GNG7: variants seen among roughly 807,000 people sequenced by gnomAD.
GNG7 encodes the protein G protein subunit gamma 7, also known as guanine nucleotide-binding protein G(I)/G(S)/G(O) subunit gamma-7.
In GNG7, 1 loss-of-function variant was observed where a neutral mutation model predicts 4.0. That is an observed-to-expected ratio of 0.25 (90% CI 0.09 to 1.18). GNG7 has a LOEUF of 1.18. Among genes scored for constraint, GNG7 ranks in the 50% most tolerant of loss-of-function variants. The pLI is 0.50. For missense variants in GNG7, 86 were observed against 91.9 expected (o/e 0.94, Z 0.26); for synonymous variants, 34 against 36.9 (o/e 0.92, Z 0.29).
chr19:2,657,699 G>C lies in GNG7; in HGVS notation c.-134-11419C>G, dbSNP rs137989182. Reference sequence around the variant, plus strand: ...AGACACCATCTTTTAAAAAAATTTTGTTTCTGTTTTGGAAAAATTTTCGAT... The same window carrying C: ...AGACACCATCTTTTAAAAAAATTTTCTTTCTGTTTTGGAAAAATTTTCGAT... On this transcript the variant is annotated intron_variant, in intron 1 of 4. Coordinates refer to ENST00000382159, the MANE Select transcript of GNG7 (RefSeq NM_052847.3). 1.6e-4 allele frequency among the ~76,000 whole-genome samples: 24 copies of C among 151,994 alleles called. No homozygotes were observed. The East Asian group carries it at 4.3e-3, about 27-fold the overall frequency.
At chr19:2,594,708 C>T (rs188865578) in intron 2 of GNG7, among the ~76,000 whole-genome samples, 6 of 152,298 alleles carry the variant, frequency 3.9e-5, no homozygotes, top group Admixed American at 2.6e-4. Context: ...TTTCCCAACA[C>T]AGAACCACCC....
At chr19:2,661,038 C>G (rs1041076273) in intron 1 of GNG7, among the ~76,000 whole-genome samples, 1 of 150,906 alleles carries the variant, frequency 6.6e-6, no homozygotes, top group African/African-American at 2.4e-5. Context: ...ATGGAGAAAC[C>G]CTGTCTCTAC....
At chr19:2,586,285 G>A (rs1568253393) in intron 2 of GNG7, among the ~76,000 whole-genome samples, 1 of 152,210 alleles carries the variant, frequency 6.6e-6, no homozygotes, top group Non-Finnish European at 1.5e-5. Flanking sequence ...TGTGTGGCAA[G>A]ACCCCTTGTT....
intron 2 of GNG7, among the ~76,000 whole-genome samples, chr19:2,573,479 C>A (rs1223909699): frequency 2.0e-5 from 3 of 152,128 alleles, no homozygotes; most frequent in African/African-American, 7.2e-5. Context: ...AGCTGCGTGG[C>A]TTCCGACAAG....
intron 2 of GNG7, among the ~76,000 whole-genome samples, chr19:2,637,851 C>G (rs1006739116): frequency 1.3e-5 from 2 of 150,378 alleles, no homozygotes; most frequent in African/African-American, 4.9e-5. Context: ...TGAGACCCCC[C>G]GGGTTAGGGG....
At chr19:2,597,289 C>T (rs910209550) in intron 2 of GNG7, among the ~76,000 whole-genome samples, 1 of 152,086 alleles carries the variant, frequency 6.6e-6, no homozygotes, top group Middle Eastern at 3.4e-3. Context: ...CAAACAAAAA[C>T]TCCATTATAT....
intron 1 of GNG7, among the ~76,000 whole-genome samples, chr19:2,666,106 T>A (rs555439969): frequency 6.6e-6 from 1 of 152,300 alleles, no homozygotes; most frequent in South Asian, 2.1e-4. Flanking sequence ...CCTCAGGTGA[T>A]CTGCCTGCTT....
chr19:2,624,031 A>T (rs1981948351), intron 2 of GNG7, among the ~76,000 whole-genome samples: 2 of 151,940 alleles, frequency 1.3e-5, no homozygotes, highest in African/African-American at 4.8e-5. Flanking sequence ...GGGAAGCAGG[A>T]TGGGGGGTGC....
chr19:2,533,102 C>A (rs1978644084), intron 3 of GNG7, among the ~76,000 whole-genome samples: 1 of 151,622 alleles, frequency 6.6e-6, no homozygotes, highest in South Asian at 2.1e-4. Flanking sequence ...AATACGGCTG[C>A]ACACAAAAAA....
chr19:2,531,019 G>T (rs911462063), intron 3 of GNG7, among the ~76,000 whole-genome samples: 7 of 152,102 alleles, frequency 4.6e-5, no homozygotes, highest in Non-Finnish European at 4.4e-5. Flanking sequence ...AAGAGTAACG[G>T]TCACAGCTGG....
chr19:2,604,802 A>G (rs913943523), intron 2 of GNG7, among the ~76,000 whole-genome samples: 1 of 152,134 alleles, frequency 6.6e-6, no homozygotes, highest in Non-Finnish European at 1.5e-5. Flanking sequence ...CCAGACAGAG[A>G]TGCAGGGCAG....
At chr19:2,527,732 G>A (rs1202733236) in intron 3 of GNG7, among the ~76,000 whole-genome samples, 2 of 151,956 alleles carry the variant, frequency 1.3e-5, no homozygotes, top group Non-Finnish European at 2.9e-5. Flanking sequence ...ACTGCAGGGT[G>A]CTGGGCAGCA....
chr19:2,564,505 C>T (rs564988532), intron 2 of GNG7, among the ~76,000 whole-genome samples: 14 of 152,084 alleles, frequency 9.2e-5, no homozygotes, highest in Non-Finnish European at 1.8e-4. Flanking sequence ...ACCCAAGAGG[C>T]GGAGGTTGCA....
intron 2 of GNG7, among the ~76,000 whole-genome samples, chr19:2,594,434 G>C (rs1373586511): frequency 7.4e-6 from 1 of 136,008 alleles, no homozygotes; most frequent in East Asian, 1.9e-4. Flanking sequence ...AAGGAAGGAA[G>C]GAAGGAAGGA....
At chr19:2,583,047 C>A (rs936528559) in intron 2 of GNG7, among the ~76,000 whole-genome samples, 3 of 152,026 alleles carry the variant, frequency 2.0e-5, no homozygotes, top group Admixed American at 1.3e-4. Context: ...CTTAAGCAAT[C>A]CTCCTGCCTC....
intron 2 of GNG7, among the ~76,000 whole-genome samples, chr19:2,588,060 C>G (rs2144798297): frequency 6.6e-6 from 1 of 152,294 alleles, no homozygotes; most frequent in African/African-American, 2.4e-5. Flanking sequence ...TGAAAAGCAT[C>G]CAGATTGGAG....
intron 1 of GNG7, among the ~76,000 whole-genome samples, chr19:2,690,585 G>A (rs990157624): frequency 1.3e-5 from 2 of 151,842 alleles, no homozygotes; most frequent in African/African-American, 4.8e-5. Context: ...TCAACCTGTT[G>A]GCTCAGGTCT....
chr19:2,571,101 G>A (rs1235199048), intron 2 of GNG7, among the ~76,000 whole-genome samples: 4 of 147,496 alleles, frequency 2.7e-5, no homozygotes, highest in African/African-American at 5.0e-5. Context: ...CGTGCCCGGC[G>A]GAGTTGTCCA....
At chr19:2,578,594 G>A (rs1389733138) in intron 2 of GNG7, among the ~76,000 whole-genome samples, 3 of 152,160 alleles carry the variant, frequency 2.0e-5, no homozygotes, top group African/African-American at 7.2e-5. Context: ...AACCAGGCCG[G>A]AGAAGCTGGG....
Sources: gnomAD v4.1 joint callset for allele counts (sites outside exome capture counted in the v4.1 genomes callset) on GRCh38, gnomAD v4.1.1 for gene constraint, MANE v1.5 for transcripts, NCBI Gene and HGNC (gene_info 2026-07-23, HGNC 2026-07-21) for gene names.